Variants in TRIM58 observed in about 807,000 individuals in gnomAD.
TRIM58 encodes tripartite motif containing 58.
In TRIM58, 38 loss-of-function variants were observed where a neutral mutation model predicts 34.1. That is an observed-to-expected ratio of 1.12 (90% confidence interval 0.86 to 1.46). The LOEUF is 1.46. TRIM58 is among the 40% of genes most tolerant of loss of function. TRIM58 has a pLI of 0.00. For synonymous variants in TRIM58, 273 were observed against 275.7 expected (o/e 0.99, Z 0.10); for missense variants, 677 against 642.0 (o/e 1.05, Z -0.59).
chr1:247,862,865 C>T (rs946952036), intron 2 of TRIM58, among the ~76,000 whole-genome samples: 2 of 152,132 alleles, frequency 1.3e-5, no homozygotes, highest in Non-Finnish European at 2.9e-5. Flanking sequence ...TAGTTGTGCT[C>T]AAGAGGGTGG....
At position 247,876,745 on chromosome 1, in the gene TRIM58, A is replaced by G; in HGVS notation, c.*256A>G. 1 of 477,864 alleles carries G rather than the reference A, an allele frequency of 2.1e-6. No homozygotes were observed. The highest frequency in any genetic ancestry group is 3.1e-5 in the South Asian group (1 of 31,906). 29.6% of individuals were successfully genotyped at this position (477,864 alleles called of 1,614,324 possible). A position where few individuals can be genotyped will look rare whatever the true frequency, so the allele number is the denominator to read the frequency against. ...CACATTTTCTTGATGTCTTCCTTCA[A>G]ATTAATGACCTTGGATTACATAAGG... On this transcript the variant is annotated 3_prime_UTR_variant, in exon 6 of 6. Coordinates refer to ENST00000366481, the MANE Select transcript of TRIM58 (RefSeq NM_015431.4).
chr1:247,879,842 CCTA>C lies in TRIM58; in HGVS notation c.*3356_*3358del, dbSNP rs1659371045. ...CAGCTTCTCAGTGATACCACACAGC[CCTA>C]CTCCCCCCAGAGCCCATCTAGAGCT... On this transcript the variant is annotated 3_prime_UTR_variant, in exon 6 of 6. Transcript: ENST00000366481. 6.6e-6 allele frequency among the ~76,000 whole-genome samples: 1 copy of C among 151,828 alleles called. No individual in the cohort carries two copies. Among genetic ancestry groups the C allele is most frequent in the Non-Finnish European group, 1.5e-5 (1 of 67,996 alleles).
At chr1:247,863,306 G>A (rs1006578441) in intron 2 of TRIM58, among the ~76,000 whole-genome samples, 21 of 152,168 alleles carry the variant, frequency 1.4e-4, no homozygotes, top group Admixed American at 9.8e-4. Context: ...TTGGGAGGCC[G>A]ATGCGGGCCG....
chr1:247,858,720 T>TA (rs541375874), intron 1 of TRIM58, among the ~76,000 whole-genome samples: 150 of 146,272 alleles, frequency 1.0e-3, no homozygotes, highest in Non-Finnish European at 1.4e-3. Flanking sequence ...CTTGCCTTTT[T>TA]AAAAAAAGTC....
Position 247,857,271 on chromosome 1 carries a change from C to A in TRIM58, c.25C>A (p.Arg9=), listed in dbSNP as rs758862161. 2 of 1,350,148 alleles carry A rather than the reference C, an allele frequency of 1.5e-6. No individual in the cohort carries two copies. Among genetic ancestry groups the A allele is most frequent in the Admixed American group, 3.7e-5 (1 of 26,996 alleles). 83.6% of individuals were successfully genotyped at this position (1,350,148 alleles called of 1,614,324 possible). A position where few individuals can be genotyped will look rare whatever the true frequency, so the allele number is the denominator to read the frequency against. Residue 9 remains arginine (R), a synonymous_variant, in exon 1 of 6, where the codon CGG becomes AGG. Coordinates refer to ENST00000366481, the MANE Select transcript of TRIM58 (RefSeq NM_015431.4). MAWAPPGE[R]LREDARCPVC... Reference sequence around the variant, plus strand: ...CATGGCCTGGGCGCCGCCCGGGGAGCGGCTGCGCGAGGATGCGCGGTGCCC... The same window carrying A: ...CATGGCCTGGGCGCCGCCCGGGGAGAGGCTGCGCGAGGATGCGCGGTGCCC...
At chr1:247,862,344 G>A (rs754868762) in intron 2 of TRIM58, among the ~76,000 whole-genome samples, 5 of 152,126 alleles carry the variant, frequency 3.3e-5, no homozygotes, top group African/African-American at 4.8e-5. Context: ...TAAACTAGTA[G>A]TGACAGTATA....
chr1:247,871,540 T>C (rs1328424351), intron 5 of TRIM58, among the ~76,000 whole-genome samples: 3 of 152,136 alleles, frequency 2.0e-5, no homozygotes, highest in Admixed American at 6.6e-5. Context: ...AGGGAAAGAG[T>C]GTAAAGTCCC....
intron 5 of TRIM58, among the ~76,000 whole-genome samples, chr1:247,869,751 CT>C (rs1659047135): frequency 6.6e-6 from 1 of 152,188 alleles, no homozygotes; most frequent in South Asian, 2.1e-4. Flanking sequence ...CAAGGGAAAA[CT>C]TTCCCCTTTC....
intron 2 of TRIM58, among the ~76,000 whole-genome samples, chr1:247,863,805 G>A (rs1168135448): frequency 6.6e-6 from 1 of 152,188 alleles, no homozygotes; most frequent in Non-Finnish European, 1.5e-5. Flanking sequence ...GGTCTATTCA[G>A]AAACTGAAGA....
At position 247,877,852 on chromosome 1, in the gene TRIM58, T is replaced by C. The variant is rs1402262042; in HGVS notation, c.*1363T>C. 1 of 152,124 alleles carries C rather than the reference T, an allele frequency of 6.6e-6. No homozygotes were observed. The highest frequency in any genetic ancestry group is 1.5e-5 in the Non-Finnish European group (1 of 68,014). The allele number at this position is 152,124 out of a possible 1,614,324, so 9.4% of individuals were successfully genotyped here. On this transcript the variant is annotated 3_prime_UTR_variant, in exon 6 of 6. Coordinates refer to ENST00000366481, the MANE Select transcript of TRIM58 (RefSeq NM_015431.4). Reference sequence around the variant, plus strand: ...AAGGCTAACCTTACTGCCTTCTTTGTATCACTGTCTTCTAAATAATTATTA... The same window carrying C: ...AAGGCTAACCTTACTGCCTTCTTTGCATCACTGTCTTCTAAATAATTATTA...
At chr1:247,869,979 C>T (rs781083807) in intron 5 of TRIM58, among the ~76,000 whole-genome samples, 58 of 152,042 alleles carry the variant, frequency 3.8e-4, no homozygotes, top group Non-Finnish European at 6.5e-4. Context: ...TTGGAGGATT[C>T]ATTGGGCTTG....
chr1:247,880,132 A>G lies in TRIM58; in HGVS notation c.*3643A>G, dbSNP rs1659376663. On this transcript the variant is annotated 3_prime_UTR_variant, in exon 6 of 6. Coordinates refer to ENST00000366481, the MANE Select transcript of TRIM58 (RefSeq NM_015431.4). ...TGAATAAATGATTGACTATGTGGAG[A>G]GCAAAATTGATGGACCTGAAAATGT... 6.6e-6 allele frequency among the ~76,000 whole-genome samples: 1 copy of G among 152,132 alleles called. No homozygotes were observed. Among genetic ancestry groups the G allele is most frequent in the African/African-American group, 2.4e-5 (1 of 41,436 alleles).
Position 247,876,448 on chromosome 1 carries a change from C to T in TRIM58, c.1420C>T (p.His474Tyr). The T allele has an allele frequency of 1.2e-6, 2 of 1,614,098 alleles. No individual in the cohort carries two copies. The highest frequency in any genetic ancestry group is 1.7e-6 in the Non-Finnish European group (2 of 1,179,984). ...GTCAGGAAATTGGGCATCCAGGGAT[C>T]ATTTAGATCCTGCTTCTGATGTAAG... ...AGSGNWASRDHLDPASDVRDD... is the reference protein window; with the variant it reads ...AGSGNWASRDYLDPASDVRDD... The change falls in exon 6 of 6, where the codon CAT becomes TAT. Residue 474 changes from histidine to tyrosine, a missense_variant. By Grantham distance (83) the His-to-Tyr change is moderately conservative. Transcript: ENST00000366481.
chr1:247,857,712 A>G (rs1043976404), intron 1 of TRIM58, 46 bp downstream of exon 1: 18 of 1,210,640 alleles, frequency 1.5e-5, no homozygotes, highest in African/African-American at 3.2e-5. Flanking sequence ...GGTGACCGGG[A>G]AGCGGGCGAC....
rs965434219 is a variant in TRIM58 at position 247,878,720 on chromosome 1, A to G, written c.*2231A>G. On this transcript the variant is annotated 3_prime_UTR_variant, in exon 6 of 6. Transcript: ENST00000366481. ...GGGAGAACACCTCCACATGTCTTCT[A>G]CTCTCTCCATAGGATGGAATGAGTG... Among the ~76,000 whole-genome samples, 3 of 151,944 alleles carry G rather than the reference A, an allele frequency of 2.0e-5. No homozygotes were observed. Among genetic ancestry groups the G allele is most frequent in the African/African-American group, 4.8e-5 (2 of 41,348 alleles).
Position 247,868,023 on chromosome 1 carries a change from C to T in TRIM58, c.831C>T (p.Cys277=), listed in dbSNP as rs1364409322. 6.2e-7 allele frequency: 1 copy of T among 1,611,538 alleles called. No individual in the cohort carries two copies. The highest frequency in any genetic ancestry group is 8.5e-7 in the Non-Finnish European group (1 of 1,179,314). The change falls in exon 5 of 6, where the codon TGC becomes TGT. Residue 277 remains cysteine (C), a synonymous_variant. Transcript: ENST00000366481. ...TCCCCATGGAACTGAAGACAGCATG[C>T]TGCATCCCTGGGAGGAGGGAGCTCT... ...ENIPMELKTA[C]CIPGRRELLR...
rs762255153 is a variant in TRIM58, at chr1:247,860,744, C to A, written c.516+32C>A. The A allele has an allele frequency of 1.0e-5, 16 of 1,532,794 alleles. No homozygotes were observed. In the Admixed American group the frequency reaches 2.2e-4, roughly 21 times the overall value. The allele number at this position is 1,532,794 out of a possible 1,614,324, so 94.9% of individuals were successfully genotyped here. A position where few individuals can be genotyped will look rare whatever the true frequency, so the allele number is the denominator to read the frequency against. On this transcript the variant is annotated intron_variant, in intron 2 of 5. Transcript: ENST00000366481. ...CCATGTTGGGGCTTTAGGAGGCTTGCCTGTTTGAAGGATCCAGATTCGGGT... is the reference window on the plus strand; with the variant it reads ...CCATGTTGGGGCTTTAGGAGGCTTGACTGTTTGAAGGATCCAGATTCGGGT...
In TRIM58 at chr1:247,864,392, C is replaced by T. The variant is rs755393505; in HGVS notation, c.517-313C>T. 4.4e-4 allele frequency among the ~76,000 whole-genome samples: 67 copies of T among 152,170 alleles called. 1 individual carries two copies. Among genetic ancestry groups the T allele is most frequent in the Non-Finnish European group, 4.0e-4 (27 of 68,034 alleles). On this transcript the variant is annotated intron_variant, in intron 2 of 5. Transcript: ENST00000366481. ...TGAACTCCTGACCTCAAGCACTCCTCTTGCCTCGACCTCCCCAAAACCTCA... is the reference window on the plus strand; with the variant it reads ...TGAACTCCTGACCTCAAGCACTCCTTTTGCCTCGACCTCCCCAAAACCTCA...
rs1572583397 is a variant in TRIM58 at position 247,879,585 on chromosome 1, C to T, written c.*3096C>T. On this transcript the variant is annotated 3_prime_UTR_variant, in exon 6 of 6. Transcript: ENST00000366481. The stretch of plus-strand genomic sequence containing the variant: ...ATCCCCAGGCCCTAGAGGATGTGAA[C>T]CCCCAGGCCCTAGAGGATCTGAACC... 6.6e-6 allele frequency among the ~76,000 whole-genome samples: 1 copy of T among 151,564 alleles called. No homozygotes were observed. Among genetic ancestry groups the T allele is most frequent in the South Asian group, 2.1e-4 (1 of 4,802 alleles).
Sources: gnomAD v4.1 joint callset for allele counts (sites outside exome capture counted in the v4.1 genomes callset) on GRCh38, gnomAD v4.1.1 for gene constraint, MANE v1.5 for transcripts, NCBI Gene and HGNC (gene_info 2026-07-23, HGNC 2026-07-21) for gene names.